Variants in GALNT11 observed in about 807,000 individuals in gnomAD.
GALNT11 encodes the protein UDP-GalNAc:polypeptide N-acetylgalactosaminyltransferase 11.
A neutral mutation model predicts 72.7 loss-of-function variants in GALNT11; 47 were observed. The observed-to-expected ratio is 0.65, with a 90% CI of 0.51 to 0.82. The LOEUF (loss-of-function observed/expected upper bound fraction) is 0.82. Ranked by LOEUF, GALNT11 falls within the 40% of genes least tolerant of loss-of-function variation. The pLI, the probability that GALNT11 is intolerant of heterozygous loss-of-function variation, is 0.00. For synonymous variants in GALNT11, 270 were observed against 286.6 expected (o/e 0.94, Z 0.58); for missense variants, 677 against 778.4 (o/e 0.87, Z 1.55).
intron 2 of GALNT11, among the ~76,000 whole-genome samples, chr7:152,096,714 CAAAA>C (rs768326363): frequency 1.5e-4 from 9 of 60,108 alleles, no homozygotes; most frequent in Non-Finnish European, 2.3e-4. Context: ...GACTCTGTCT[CAAAA>C]AAAAAAAAAA....
At chr7:152,071,327 T>C (rs774980087) in intron 1 of GALNT11, among the ~76,000 whole-genome samples, 1 of 152,170 alleles carries the variant, frequency 6.6e-6, no homozygotes, top group Non-Finnish European at 1.5e-5. Context: ...GCACGTATTC[T>C]CTTTCCCAGG....
chr7:152,037,603 T>A lies in GALNT11; in HGVS notation c.-39+11719T>A, dbSNP rs1370859268. Among the ~76,000 whole-genome samples the A allele has an allele frequency of 2.0e-5, 3 of 147,938 alleles. No individual in the cohort carries two copies. In the East Asian group the frequency reaches 5.8e-4, roughly 29 times the overall value. On this transcript the variant is annotated intron_variant, in intron 1 of 11. Coordinates refer to ENST00000430044, the MANE Select transcript of GALNT11 (RefSeq NM_022087.4). ...TTGTTATTCCATATAAGTTTTAGGA[T>A]TTTTTTTTTCTATTTCTGTGAAGAA...
Position 152,108,096 on chromosome 7 carries a change from C to G in GALNT11, c.771C>G (p.Pro257=). The G allele has an allele frequency of 1.2e-6, 2 of 1,614,024 alleles. No homozygotes were observed. Among genetic ancestry groups the G allele is most frequent in the Non-Finnish European group, 8.5e-7 (1 of 1,179,940 alleles). ...AAGTGAATGTGATGTGGCTGCAGCCCTTGCTGGCCGCCATCCGTGAGGACC... is the reference window on the plus strand; with the variant it reads ...AAGTGAATGTGATGTGGCTGCAGCCGTTGCTGGCCGCCATCCGTGAGGACC... ...HCEVNVMWLQ[P]LLAAIREDRH... is the part of the protein sequence containing the mutation. Residue 257 remains proline (P), a synonymous_variant, in exon 6 of 12, where the codon CCC becomes CCG. Coordinates refer to ENST00000430044, the MANE Select transcript of GALNT11 (RefSeq NM_022087.4).
At chr7:152,095,230 C>T (rs1334675999) in intron 2 of GALNT11, among the ~76,000 whole-genome samples, 1 of 152,040 alleles carries the variant, frequency 6.6e-6, no homozygotes, top group Non-Finnish European at 1.5e-5. Flanking sequence ...AACTTGGATG[C>T]AAGACTCTAT....
At chr7:152,121,434 GA>G (rs1395026538) in intron 11 of GALNT11, 111 bp from the exon 12 acceptor site, 1 of 1,301,884 alleles carries the variant, frequency 7.7e-7, no homozygotes, top group Non-Finnish European at 1.1e-6. Context: ...CTTTGGCTAA[GA>G]GGGGACTATT....
Position 152,073,880 on chromosome 7 carries a change from T to A in GALNT11, c.-38-20310T>A, listed in dbSNP as rs931856806. Among the ~76,000 whole-genome samples, 4 of 152,236 alleles carry A rather than the reference T, an allele frequency of 2.6e-5. No homozygotes were observed. In the East Asian group the frequency reaches 7.7e-4, roughly 29 times the overall value. On this transcript the variant is annotated intron_variant, in intron 1 of 11. Coordinates refer to ENST00000430044, the MANE Select transcript of GALNT11 (RefSeq NM_022087.4). ...GATGATACCTCATTGTGCTTCTGAT[T>A]TGCTGTTCCTTGATGATTTGTGATA...
At chr7:152,059,201 T>TCCTCCCGCCTCAG (rs2083863289) in intron 1 of GALNT11, among the ~76,000 whole-genome samples, 1 of 152,146 alleles carries the variant, frequency 6.6e-6, no homozygotes. Context: ...GTTCAAGCAG[T>TCCTCCCGCCTCAG]CCTCCCGCCT....
At position 152,121,565 on chromosome 7, in the gene GALNT11, AG is replaced by A; in HGVS notation, c.1717del (p.Val573CysfsTer7). On this transcript the variant is annotated frameshift_variant, in exon 12 of 12. Coordinates refer to ENST00000430044, the MANE Select transcript of GALNT11 (RefSeq NM_022087.4). LOFTEE classifies it high-confidence loss of function. ...WTFGKNNRLY[Q>X]VSVGQCLRAV... The stretch of plus-strand genomic sequence containing the variant: ...TTTCAGAAAAACAATCGGCTATACC[AG>A]GTGTCGGTTGGACAGTGCCTGAGAG... 1 of 1,611,366 alleles carries A rather than the reference AG, an allele frequency of 6.2e-7. No homozygotes were observed. The highest frequency in any genetic ancestry group is 8.5e-7 in the Non-Finnish European group (1 of 1,179,232).
chr7:152,087,943 T>C (rs148859819), intron 1 of GALNT11, among the ~76,000 whole-genome samples: 81 of 152,380 alleles, frequency 5.3e-4, no homozygotes, highest in Non-Finnish European at 9.8e-4. Flanking sequence ...ATTACTGATA[T>C]ATGGCAGAAT....
chr7:152,108,320 C>T, intron 6 of GALNT11, 33 bp downstream of exon 6: 1 of 1,583,044 alleles, frequency 6.3e-7, no homozygotes, highest in Non-Finnish European at 8.6e-7. Context: ...CAAATTCCTA[C>T]CAGTGCTTCC....
rs7796228 is a variant in GALNT11 at position 152,069,791 on chromosome 7, G to T, written c.-38-24399G>T. On this transcript the variant is annotated intron_variant, in intron 1 of 11. Transcript: ENST00000430044. Reference sequence around the variant, plus strand: ...TCCCTTTACTGTTAGCATATCTAAAGCTTTATAGTTCAAGTTGGTTTCTTA... The same window carrying T: ...TCCCTTTACTGTTAGCATATCTAAATCTTTATAGTTCAAGTTGGTTTCTTA... Among the ~76,000 whole-genome samples the T allele has an allele frequency of 2.3e-3, 353 of 152,144 alleles. 1 individual carries two copies. Among genetic ancestry groups the T allele is most frequent in the African/African-American group, 8.2e-3 (340 of 41,518 alleles).
chr7:152,094,099 C>T lies in GALNT11; in HGVS notation c.-38-91C>T. On this transcript the variant is annotated intron_variant, in intron 1 of 11. Coordinates refer to ENST00000430044, the MANE Select transcript of GALNT11 (RefSeq NM_022087.4). The surrounding 1 kb of genome is among the most constrained non-coding windows in gnomAD (Gnocchi z 4.3). Reference sequence around the variant, plus strand: ...TCCGTTAACTGTACGCATAGTGGTCCTACTTGGTGGTTTGGAAAACAGTGA... The same window carrying T: ...TCCGTTAACTGTACGCATAGTGGTCTTACTTGGTGGTTTGGAAAACAGTGA... The T allele has an allele frequency of 9.7e-7, 1 of 1,031,404 alleles. No individual in the cohort carries two copies. Among genetic ancestry groups the T allele is most frequent in the Middle Eastern group, 2.2e-4 (1 of 4,508 alleles). 63.9% of individuals were successfully genotyped at this position (1,031,404 alleles called of 1,614,324 possible). A position where few individuals can be genotyped will look rare whatever the true frequency, so the allele number is the denominator to read the frequency against.
At chr7:152,042,613 C>A (rs957209636) in intron 1 of GALNT11, among the ~76,000 whole-genome samples, 2 of 152,122 alleles carry the variant, frequency 1.3e-5, no homozygotes, top group African/African-American at 4.8e-5. Context: ...CCACTTGAAG[C>A]GGTTCCTTCA....
intron 1 of GALNT11, among the ~76,000 whole-genome samples, chr7:152,091,322 C>T (rs2086019392): frequency 2.6e-5 from 4 of 152,112 alleles, no homozygotes; most frequent in African/African-American, 9.6e-5. Context: ...CTCACTGCAA[C>T]CTCCCCCTCC....
intron 8 of GALNT11, among the ~76,000 whole-genome samples, chr7:152,116,026 A>G (rs1376886201): frequency 6.6e-6 from 1 of 152,206 alleles, no homozygotes; most frequent in African/African-American, 2.4e-5. Flanking sequence ...ATTGTACTCC[A>G]GCCTGGGCAA....
intron 1 of GALNT11, among the ~76,000 whole-genome samples, chr7:152,081,527 A>G (rs2085323638): frequency 1.3e-5 from 2 of 152,238 alleles, no homozygotes; most frequent in Non-Finnish European, 2.9e-5. Flanking sequence ...TAACAGTCAC[A>G]ATAAAAGTTT....
At chr7:152,068,884 T>C (rs1478740018) in intron 1 of GALNT11, among the ~76,000 whole-genome samples, 1 of 152,114 alleles carries the variant, frequency 6.6e-6, no homozygotes, top group African/African-American at 2.4e-5. Context: ...TAATTTTTAA[T>C]TTTCTAGTAA....
At chr7:152,109,105 C>T (rs2087899328) in intron 6 of GALNT11, among the ~76,000 whole-genome samples, 1 of 152,216 alleles carries the variant, frequency 6.6e-6, no homozygotes, top group African/African-American at 2.4e-5. Flanking sequence ...ACAGGCTTGC[C>T]CAAGTATCTC....
chr7:152,116,942 G>T (rs555323468), intron 8 of GALNT11: 1 of 670,280 alleles, frequency 1.5e-6, no homozygotes, highest in Non-Finnish European at 2.7e-6. Flanking sequence ...GGAGTTTTCC[G>T]TAATTTTTAA....
Sources: allele counts gnomAD v4.1 joint callset (sites outside exome capture counted in the v4.1 genomes callset), GRCh38; gene constraint gnomAD v4.1.1; non-coding constraint Gnocchi (gnomAD v3.1); transcripts MANE v1.5; gene names NCBI Gene and HGNC (gene_info 2026-07-23, HGNC 2026-07-21).